SRA1: variants seen among roughly 807,000 people sequenced by gnomAD.
SRA1 encodes the protein steroid receptor RNA activator 1.
In SRA1, 25 loss-of-function variants were observed where a neutral mutation model predicts 24.3. The observed-to-expected ratio is 1.03, with a 90% CI of 0.75 to 1.43. The LOEUF (loss-of-function observed/expected upper bound fraction) is 1.43, where lower values mean the gene tolerates loss of function less well. Ranked by LOEUF, SRA1 falls within the 40% of genes most tolerant of loss-of-function variation. The probability of loss-of-function intolerance (pLI) is 0.00; values close to 1 mark genes in which losing one functional copy is unlikely to be tolerated. For missense variants in SRA1, 303 were observed against 286.6 expected (o/e 1.06, Z -0.41); for synonymous variants, 104 against 109.5 (o/e 0.95, Z 0.31).
At position 140,557,430 on chromosome 5, in the gene SRA1, G is replaced by A. The variant is rs771291291; in HGVS notation, c.23C>T (p.Pro8Leu). 5.8e-5 allele frequency: 91 copies of A among 1,571,256 alleles called. 1 individual carries two copies. In the Middle Eastern group the frequency reaches 6.6e-4, roughly 11 times the overall value. Reference sequence around the variant, plus strand: ...CCTAGCCCGCCGGCTGCGCTCACCCGGCTTCACGTACAGCTCCGCCATCTC... The same window carrying A: ...CCTAGCCCGCCGGCTGCGCTCACCCAGCTTCACGTACAGCTCCGCCATCTC... Reference protein sequence around the residue: MAELYVKPGNKERGWNDP... With the variant: MAELYVKLGNKERGWNDP... The change falls in exon 1 of 5, where the codon CCG (proline) becomes CTG (leucine). Residue 8 changes from proline to leucine, a missense_variant and splice_region_variant. By Grantham distance (98) the Pro-to-Leu change is moderately conservative. Coordinates refer to ENST00000336283, the MANE Select transcript of SRA1 (RefSeq NM_001035235.4).
At chr5:140,551,246 A>G (rs1243719618) in intron 3 of SRA1, 77 bp from the exon 4 acceptor site, 2 of 1,102,072 alleles carry the variant, frequency 1.8e-6, no homozygotes, top group Non-Finnish European at 2.7e-6. Context: ...AGCACCACAT[A>G]GGAAGCACCT....
upstream of SRA1, chr5:140,557,614 T>G (rs539868844): frequency 3.1e-5 from 23 of 750,440 alleles, no homozygotes; most frequent in South Asian, 3.9e-4. Context: ...CTGCGGCAAC[T>G]CCCTAAGACT....
Position 140,551,231 on chromosome 5 carries a change from A to G in SRA1, c.355-62T>C, listed in dbSNP as rs578243759. 121 of 1,312,316 alleles carry G rather than the reference A, an allele frequency of 9.2e-5. No individual in the cohort carries two copies. In the South Asian group the frequency reaches 1.3e-3, roughly 14 times the overall value. The allele number at this position is 1,312,316 out of a possible 1,614,324, so 81.3% of individuals were successfully genotyped here. ...CAGCCCAATGAGGGGAGGAGAGGGG[A>G]AGACAGCACCACATAGGAAGCACCT... is the stretch of plus-strand genomic sequence containing the variant. On this transcript the variant is annotated intron_variant, in intron 3 of 4. Transcript: ENST00000336283.
chr5:140,554,885 C>T (rs1754649947), intron 2 of SRA1, among the ~76,000 whole-genome samples: 1 of 151,950 alleles, frequency 6.6e-6, no homozygotes, highest in South Asian at 2.1e-4. Flanking sequence ...CTACTGGTTC[C>T]TTGTCGCTCT....
upstream of SRA1, chr5:140,557,760 C>CA: frequency 1.9e-6 from 1 of 524,572 alleles, no homozygotes; most frequent in South Asian, 2.5e-5. Context: ...GCCCCACATA[C>CA]ACCCCGCTGT....
intron 1 of SRA1, 72 bp from the exon 2 acceptor site, chr5:140,557,344 A>G: frequency 6.2e-7 from 1 of 1,604,130 alleles, no homozygotes; most frequent in Non-Finnish European, 8.5e-7. Flanking sequence ...TGGGGGAGAC[A>G]GAGGGTCCAT....
In SRA1 at chr5:140,550,431, A is replaced by G; in HGVS notation, c.*269T>C. The G allele has an allele frequency of 2.0e-6, 1 of 512,100 alleles. No homozygotes were observed. Among genetic ancestry groups the G allele is most frequent in the Non-Finnish European group, 3.5e-6 (1 of 283,568 alleles). 31.7% of individuals were successfully genotyped at this position (512,100 alleles called of 1,614,324 possible). A position where few individuals can be genotyped will look rare whatever the true frequency, so the allele number is the denominator to read the frequency against. The stretch of plus-strand genomic sequence containing the variant: ...GGAGAACAGAGGTTTGCAGATACAC[A>G]GGGAGCAGGGCAGTCGAGGACACCA... On this transcript the variant is annotated 3_prime_UTR_variant, in exon 5 of 5. Transcript: ENST00000336283.
At chr5:140,551,509 G>A (rs931505733) in intron 3 of SRA1, 4 of 248,956 alleles carry the variant, frequency 1.6e-5, no homozygotes, top group Non-Finnish European at 3.1e-5. Context: ...ATCCTGTAGC[G>A]TTACTTCACA....
At chr5:140,555,797 T>A (rs983428555) in intron 2 of SRA1, among the ~76,000 whole-genome samples, 1 of 148,244 alleles carries the variant, frequency 6.7e-6, no homozygotes. Flanking sequence ...AGCAAAAAAA[T>A]TCAGTTATAT....
At chr5:140,553,528 A>C (rs966382909) in intron 2 of SRA1, among the ~76,000 whole-genome samples, 2 of 152,216 alleles carry the variant, frequency 1.3e-5, no homozygotes, top group African/African-American at 4.8e-5. Flanking sequence ...AATTATTACC[A>C]CTGAAGAAAG....
chr5:140,553,073 G>A (rs559249044), intron 2 of SRA1, among the ~76,000 whole-genome samples: 14 of 152,350 alleles, frequency 9.2e-5, no homozygotes, highest in African/African-American at 3.4e-4. Context: ...GAGCTCACTT[G>A]CTATGTGACT....
chr5:140,557,395 A>G lies in SRA1; in HGVS notation c.25+33T>C, dbSNP rs250427. ...CGCCCCCAGCCTAGGCCGGGGCGAC[A>G]ACCTAGTGCCCTAGCCCGCCGGCTG... On this transcript the variant is annotated intron_variant, in intron 1 of 4. Transcript: ENST00000336283. The G allele has an allele frequency of 0.7, 1,111,887 of 1,592,042 alleles. 389,910 individuals are homozygous for G. Among genetic ancestry groups the G allele is most frequent in the East Asian group, 0.81 (35,408 of 43,800 alleles).
rs757702024 is a variant in SRA1, at chr5:140,557,235, G to T, written c.63C>A (p.Phe21Leu). 6.2e-7 allele frequency: 1 copy of T among 1,613,208 alleles called. No homozygotes were observed. Among genetic ancestry groups the T allele is most frequent in the Admixed American group, 1.7e-5 (1 of 60,020 alleles). Reference sequence around the variant, plus strand: ...CGGCCTGGGTCTGCAGCCCGTATGAGAACTGCGGCGGGTCGTTCCAGCCGC... The same window carrying T: ...CGGCCTGGGTCTGCAGCCCGTATGATAACTGCGGCGGGTCGTTCCAGCCGC... ...KERGWNDPPQ[F>L]SYGLQTQAGG... The change falls in exon 2 of 5, where the codon TTC (phenylalanine) becomes TTA (leucine). Residue 21 changes from phenylalanine (F) to leucine (L), a missense_variant. By Grantham distance (22) the Phe-to-Leu change is conservative. Transcript: ENST00000336283.
At position 140,551,187 on chromosome 5, in the gene SRA1, C is replaced by G; in HGVS notation, c.355-18G>C. ...ACCTGCTTCTAAGAGACAGAAGCCC[C>G]CCTCCAATTCAGTGCTGCCAGCCCA... On this transcript the variant is annotated intron_variant, in intron 3 of 4. Transcript: ENST00000336283. 2 of 1,599,940 alleles carry G rather than the reference C, an allele frequency of 1.3e-6. No homozygotes were observed. The highest frequency in any genetic ancestry group is 1.7e-6 in the Non-Finnish European group (2 of 1,167,526).
chr5:140,557,553 C>G, upstream of SRA1: 1 of 1,402,732 alleles, frequency 7.1e-7, no homozygotes, highest in South Asian at 1.3e-5. Context: ...TTGCCGGAAT[C>G]CGTGGAGGAT....
At position 140,557,244 on chromosome 5, in the gene SRA1, C is replaced by G. The variant is rs372951909; in HGVS notation, c.54G>C (p.Pro18=). 1 of 1,612,626 alleles carries G rather than the reference C, an allele frequency of 6.2e-7. No individual in the cohort carries two copies. The highest frequency in any genetic ancestry group is 2.2e-5 in the East Asian group (1 of 44,874). Residue 18 remains proline, a synonymous_variant, in exon 2 of 5, where the codon CCG becomes CCC. Coordinates refer to ENST00000336283, the MANE Select transcript of SRA1 (RefSeq NM_001035235.4). ...TCTGCAGCCCGTATGAGAACTGCGG[C>G]GGGTCGTTCCAGCCGCGTTCCTTGT... The part of the protein sequence containing the change: ...PGNKERGWND[P]PQFSYGLQTQ...
In SRA1 at chr5:140,552,186, T is replaced by G. The variant is rs759035673; in HGVS notation, c.152-2A>C. 6.4e-7 allele frequency: 1 copy of G among 1,554,056 alleles called. No individual in the cohort carries two copies. The highest frequency in any genetic ancestry group is 1.2e-5 in the South Asian group (1 of 85,394). On this transcript the variant is annotated splice_acceptor_variant, in intron 2 of 4. Transcript: ENST00000336283. LOFTEE classifies it high-confidence loss of function. Reference sequence around the variant, plus strand: ...CAGGAGAAGTCTCTGATGCGGGGACTGAAAAGGTACAGCAGGATCAAGCAA... The same window carrying G: ...CAGGAGAAGTCTCTGATGCGGGGACGGAAAAGGTACAGCAGGATCAAGCAA...
At chr5:140,550,978 C>A in intron 4 of SRA1, 67 bp from the exon 5 acceptor site, 1 of 1,577,718 alleles carries the variant, frequency 6.3e-7, no homozygotes, top group Middle Eastern at 1.7e-4. Flanking sequence ...CCCTCCCAGT[C>A]AATCAAAATC....
intron 2 of SRA1, 77 bp from the exon 3 acceptor site, chr5:140,552,261 A>G: frequency 1.8e-6 from 2 of 1,114,628 alleles, no homozygotes; most frequent in Non-Finnish European, 1.3e-6. Context: ...CCCTTCTAAG[A>G]AGGGCTACTC....
Sources: gnomAD v4.1 joint callset for allele counts (sites outside exome capture counted in the v4.1 genomes callset) on GRCh38, gnomAD v4.1.1 for gene constraint, MANE v1.5 for transcripts, NCBI Gene and HGNC (gene_info 2026-07-23, HGNC 2026-07-21) for gene names.